FHIP2A: variants seen among roughly 807,000 people sequenced by gnomAD.
The protein encoded by FHIP2A is family with sequence similarity 160 member B1.
A neutral mutation model predicts 93.5 loss-of-function variants in FHIP2A; 46 were observed. The ratio of observed to expected loss-of-function variants is 0.49; its 90% CI spans 0.39 to 0.63. The LOEUF is 0.63. FHIP2A is among the 20% of genes least tolerant of loss of function. The pLI, the probability that FHIP2A is intolerant of heterozygous loss-of-function variation, is 0.00. For missense variants in FHIP2A, 769 were observed against 909.7 expected, an observed-to-expected ratio of 0.85 and a Z score of 1.99; for synonymous variants, 332 against 326.5, an observed-to-expected ratio of 1.02 and a Z score of -0.18.
intron 13 of FHIP2A, among the ~76,000 whole-genome samples, chr10:114,853,727 G>A (rs1431959849): frequency 3.9e-5 from 6 of 152,124 alleles, no homozygotes; most frequent in African/African-American, 1.4e-4. Context: ...GGCCAGGCGC[G>A]GTGGCTCATG....
At chr10:114,875,176 GTGCTGTGCTGCAGAAGGAC>G (rs1287233482) in intron 16 of FHIP2A, among the ~76,000 whole-genome samples, 3 of 152,188 alleles carry the variant, frequency 2.0e-5, no homozygotes, top group East Asian at 1.9e-4. Context: ...GGCGGAGGCA[GTGCTGTGCTGCAGAAGGAC>G]TGCTGTGCTG....
At chr10:114,879,289 C>T (rs1260315070) in intron 16 of FHIP2A, among the ~76,000 whole-genome samples, 1 of 152,118 alleles carries the variant, frequency 6.6e-6, no homozygotes, top group African/African-American at 2.4e-5. Context: ...TACAGTGTCT[C>T]AAAACAAACA....
At chr10:114,881,429 A>G (rs2083916585) in intron 16 of FHIP2A, among the ~76,000 whole-genome samples, 1 of 152,152 alleles carries the variant, frequency 6.6e-6, no homozygotes, top group East Asian at 1.9e-4. Context: ...TATGAGGCAG[A>G]CAGGGCTTCA....
rs559460876 is a variant in FHIP2A at position 114,854,002 on chromosome 10, A to T, written c.1804-1195A>T. ...AATATAGAAGAAAACAGTGCTTTAA[A>T]TTTCTTTTGTTTCAATTCAAGTAAA... On this transcript the variant is annotated intron_variant, in intron 13 of 16. Coordinates refer to ENST00000369248, the MANE Select transcript of FHIP2A (RefSeq NM_020940.4). 5.9e-5 allele frequency among the ~76,000 whole-genome samples: 9 copies of T among 152,308 alleles called. No individual in the cohort carries two copies. The South Asian group carries it at 1.7e-3, about 28-fold the overall frequency.
chr10:114,854,696 G>A (rs938378996), intron 13 of FHIP2A, among the ~76,000 whole-genome samples: 1 of 152,242 alleles, frequency 6.6e-6, no homozygotes, highest in South Asian at 2.1e-4. Flanking sequence ...AGCACTGGTC[G>A]ATGGACCACC....
intron 13 of FHIP2A, 135 bp downstream of exon 13, chr10:114,848,872 G>A (rs1194403853): frequency 3.2e-6 from 2 of 624,256 alleles, no homozygotes; most frequent in Non-Finnish European, 5.6e-6. Flanking sequence ...GCCGGGTGCA[G>A]TGTCTCACAC....
chr10:114,825,162 C>T (rs1161612365), intron 1 of FHIP2A, among the ~76,000 whole-genome samples: 1 of 152,094 alleles, frequency 6.6e-6, no homozygotes, highest in Non-Finnish European at 1.5e-5. Flanking sequence ...AGACTATAGG[C>T]CAGCACCACC....
intron 1 of FHIP2A, among the ~76,000 whole-genome samples, chr10:114,827,796 C>CA (rs1193460267): frequency 0.54 from 45,595 of 83,732 alleles, 11,200 homozygotes; most frequent in Non-Finnish European, 0.58. Context: ...GACTCCATCT[C>CA]AAAAAAAAAA....
At chr10:114,858,998 C>T (rs1288263127) in intron 14 of FHIP2A, among the ~76,000 whole-genome samples, 1 of 151,220 alleles carries the variant, frequency 6.6e-6, no homozygotes, top group African/African-American at 2.4e-5. Context: ...AAAATAGGTA[C>T]AATTATGCTA....
At chr10:114,848,422 T>C (rs1406741501) in intron 12 of FHIP2A, among the ~76,000 whole-genome samples, 2 of 152,186 alleles carry the variant, frequency 1.3e-5, no homozygotes, top group Non-Finnish European at 2.9e-5. Flanking sequence ...ATTTAATCAA[T>C]GAATTGTAAA....
chr10:114,879,726 T>C (rs2083907433), intron 16 of FHIP2A, among the ~76,000 whole-genome samples: 1 of 152,182 alleles, frequency 6.6e-6, no homozygotes. Context: ...AGGGTCTCGC[T>C]CTGTCACCCA....
At chr10:114,865,911 C>T (rs2143013748), downstream of FHIP2A, among the ~76,000 whole-genome samples, 1 of 151,844 alleles carries the variant, frequency 6.6e-6, no homozygotes, top group South Asian at 2.1e-4. Flanking sequence ...GTTCTTATGG[C>T]AATAAAGTTG....
Position 114,850,742 on chromosome 10 carries a change from T to G in FHIP2A, c.1803+2005T>G, listed in dbSNP as rs912525127. Among the ~76,000 whole-genome samples, 3 of 152,182 alleles carry G rather than the reference T, an allele frequency of 2.0e-5. No individual in the cohort carries two copies. The East Asian group carries it at 5.8e-4, about 29-fold the overall frequency. On this transcript the variant is annotated intron_variant, in intron 13 of 16. Transcript: ENST00000369248. ...TCCTTTGCCTGTGTTTTAATTGGGC[T>G]ATTTGTCTTTTTATTGTTGAGTTGT...
At chr10:114,875,855 AAGAAAGAAAGAAAG>A (rs796801814) in intron 16 of FHIP2A, among the ~76,000 whole-genome samples, 2,511 of 117,032 alleles carry the variant, frequency 0.021, 212 homozygotes, top group African/African-American at 0.075. Context: ...AAGAAAGAAA[AAGAAAGAAAGAAAG>A]AGAAAGAAAG....
At chr10:114,846,783 C>A in intron 11 of FHIP2A, 55 bp downstream of exon 11, 2 of 1,436,084 alleles carry the variant, frequency 1.4e-6, no homozygotes, top group Non-Finnish European at 1.9e-6. Flanking sequence ...ATAGAACTTT[C>A]TCTCTCCTCT....
At chr10:114,886,906 A>G (rs1382996424) in intron 16 of FHIP2A, among the ~76,000 whole-genome samples, 1 of 152,072 alleles carries the variant, frequency 6.6e-6, no homozygotes, top group African/African-American at 2.4e-5. Context: ...TTACACTTGC[A>G]AGCCACTCTG....
rs756926429 is a variant in FHIP2A, at chr10:114,846,172, C to A, written c.1206-3C>A. On this transcript the variant is annotated splice_polypyrimidine_tract_variant and splice_region_variant and intron_variant, in intron 9 of 16. Coordinates refer to ENST00000369248, the MANE Select transcript of FHIP2A (RefSeq NM_020940.4). The stretch of plus-strand genomic sequence containing the variant: ...CCACTGACTACCTGTTCATTGTGCT[C>A]AGTTCTGAGATGGGTATTCTCACAT... 5.0e-5 allele frequency: 80 copies of A among 1,613,798 alleles called. No individual in the cohort carries two copies. Among genetic ancestry groups the A allele is most frequent in the African/African-American group, 6.7e-5 (5 of 74,906 alleles).
intron 5 of FHIP2A, among the ~76,000 whole-genome samples, chr10:114,841,968 T>G (rs1277618325): frequency 6.6e-6 from 1 of 152,208 alleles, no homozygotes; most frequent in Admixed American, 6.5e-5. Flanking sequence ...GGTATGTGGA[T>G]TGGGGGAGGG....
At chr10:114,839,491 T>C (rs959099720) in intron 5 of FHIP2A, among the ~76,000 whole-genome samples, 7 of 152,194 alleles carry the variant, frequency 4.6e-5, no homozygotes, top group East Asian at 3.8e-4. Flanking sequence ...TTCTCAAGCA[T>C]GTATTCCCTG....
Sources: gnomAD v4.1 joint callset for allele counts (sites outside exome capture counted in the v4.1 genomes callset) on GRCh38, gnomAD v4.1.1 for gene constraint, MANE v1.5 for transcripts, NCBI Gene and HGNC (gene_info 2026-07-23, HGNC 2026-07-21) for gene names.